Variants in SLIT2 observed in about 807,000 individuals in gnomAD.
SLIT2 encodes the protein slit guidance ligand 2, also known as slit homolog 2 protein.
A neutral mutation model predicts 185.7 loss-of-function variants in SLIT2; 41 were observed. The ratio of observed to expected loss-of-function variants is 0.22; its 90% confidence interval spans 0.17 to 0.29. SLIT2 has a LOEUF of 0.29. SLIT2 is among the 10% of genes least tolerant of loss of function. The pLI, the probability that SLIT2 is intolerant of heterozygous loss-of-function variation, is 1.00. For synonymous variants in SLIT2, 693 were observed against 680.2 expected, an observed-to-expected ratio of 1.02 and a Z score of -0.29; for missense variants, 1,571 against 1,909.0, an observed-to-expected ratio of 0.82 and a Z score of 3.30.
At chr4:20,611,167 T>A (rs924176161) in intron 34 of SLIT2, among the ~76,000 whole-genome samples, 1 of 152,232 alleles carries the variant, frequency 6.6e-6, no homozygotes, top group Non-Finnish European at 1.5e-5. Flanking sequence ...TTCATCACCA[T>A]GACAGATATT....
intron 29 of SLIT2, among the ~76,000 whole-genome samples, chr4:20,570,607 A>G (rs1157511008): frequency 1.3e-5 from 2 of 151,140 alleles, no homozygotes; most frequent in African/African-American, 4.9e-5. Flanking sequence ...TTAAGAACCC[A>G]GTTAATTTTG....
chr4:20,257,807 T>C (rs1279641476), intron 2 of SLIT2, 61 bp from the exon 3 acceptor site: 4 of 853,968 alleles, frequency 4.7e-6, no homozygotes, highest in South Asian at 4.4e-5. Flanking sequence ...AGTTGCTGAA[T>C]TGAAATTTAT....
At chr4:20,393,646 C>T (rs1725632454) in intron 4 of SLIT2, 1 of 152,074 alleles carries the variant, frequency 6.6e-6, no homozygotes, top group South Asian at 2.1e-4. Flanking sequence ...ATGGAAAATA[C>T]ATGACTAAGC....
chr4:20,341,651 G>C (rs1413392485), intron 4 of SLIT2, among the ~76,000 whole-genome samples: 1 of 152,102 alleles, frequency 6.6e-6, no homozygotes, highest in East Asian at 1.9e-4. Context: ...CTGCTTTGTG[G>C]TAAACATCCT....
intron 4 of SLIT2, among the ~76,000 whole-genome samples, chr4:20,369,382 A>G (rs1304169776): frequency 1.3e-5 from 2 of 152,082 alleles, no homozygotes; most frequent in African/African-American, 2.4e-5. Flanking sequence ...GGTAAACTAC[A>G]GCATACAAGG....
intron 4 of SLIT2, among the ~76,000 whole-genome samples, chr4:20,335,542 T>C (rs1444736448): frequency 2.6e-5 from 4 of 152,140 alleles, no homozygotes; most frequent in Non-Finnish European, 5.9e-5. Flanking sequence ...TGGAGCTGTG[T>C]ACCCTTCCAA....
chr4:20,264,225 G>A (rs1387458219), intron 3 of SLIT2, among the ~76,000 whole-genome samples: 2 of 151,790 alleles, frequency 1.3e-5, no homozygotes, highest in Non-Finnish European at 2.9e-5. Flanking sequence ...CTTTAAAAGT[G>A]TTAAAATAAA....
chr4:20,584,737 T>C (rs551437653), intron 29 of SLIT2, among the ~76,000 whole-genome samples: 35 of 152,320 alleles, frequency 2.3e-4, no homozygotes, highest in Non-Finnish European at 3.4e-4. Flanking sequence ...GTGTCCCATA[T>C]ATAACCGACA....
At chr4:20,468,413 A>G (rs539184259) in intron 5 of SLIT2, among the ~76,000 whole-genome samples, 1 of 152,144 alleles carries the variant, frequency 6.6e-6, no homozygotes, top group East Asian at 1.9e-4. Flanking sequence ...GTGTGAGTGT[A>G]TTTCTTACAC....
chr4:20,458,652 C>A (rs1713356382), intron 4 of SLIT2, among the ~76,000 whole-genome samples: 1 of 152,138 alleles, frequency 6.6e-6, no homozygotes, highest in Admixed American at 6.5e-5. Context: ...GAGAGCCAGA[C>A]CTCTATAGAA....
Position 20,327,388 on chromosome 4 carries a change from A to G in SLIT2, c.395+58507A>G, listed in dbSNP as rs894871598. On this transcript the variant is annotated intron_variant, in intron 4 of 36. Coordinates refer to ENST00000504154, the MANE Select transcript of SLIT2 (RefSeq NM_004787.4). ...AAATGAGTTTGTTCACATAATATCA[A>G]TTGCTAGGATGGGGAAAATCCTAAA... Among the ~76,000 whole-genome samples the G allele has an allele frequency of 3.3e-5, 5 of 152,208 alleles. No homozygotes were observed. The South Asian group carries it at 1.0e-3, about 32-fold the overall frequency.
intron 30 of SLIT2, among the ~76,000 whole-genome samples, chr4:20,595,061 T>A (rs1727863079): frequency 6.6e-6 from 1 of 152,200 alleles, no homozygotes; most frequent in Non-Finnish European, 1.5e-5. Flanking sequence ...GTGAACAGGC[T>A]GAAAACTGTC....
chr4:20,264,882 T>A (rs971138346), intron 3 of SLIT2, among the ~76,000 whole-genome samples: 4 of 151,944 alleles, frequency 2.6e-5, no homozygotes, highest in Admixed American at 2.0e-4. Context: ...TGGGATGTTG[T>A]GGGCAGATTC....
intron 30 of SLIT2, among the ~76,000 whole-genome samples, chr4:20,594,150 T>TAC (rs1349215509): frequency 6.7e-6 from 1 of 149,312 alleles, no homozygotes; most frequent in East Asian, 2.0e-4. Context: ...TATACACACA[T>TAC]ACATATGTAT....
intron 9 of SLIT2, among the ~76,000 whole-genome samples, chr4:20,509,759 TA>T (rs1371821824): frequency 4.6e-5 from 7 of 152,196 alleles, no homozygotes; most frequent in African/African-American, 1.7e-4. Context: ...ACTAGGTGGG[TA>T]AAATCTTGTC....
At position 20,490,664 on chromosome 4, in the gene SLIT2, T is replaced by G. The variant is rs896749566; in HGVS notation, c.776-1097T>G. 4.9e-6 allele frequency: 3 copies of G among 615,896 alleles called. No individual in the cohort carries two copies. The African/African-American group carries it at 5.6e-5, about 11-fold the overall frequency. The allele number at this position is 615,896 out of a possible 1,614,324, so 38.2% of individuals were successfully genotyped here. On this transcript the variant is annotated intron_variant, in intron 8 of 36. Coordinates refer to ENST00000504154, the MANE Select transcript of SLIT2 (RefSeq NM_004787.4). ...GTGTTTTTTCACATGTTTTATAACC[T>G]AAGAAAAATTTTTGTATAATATCAT...
intron 4 of SLIT2, among the ~76,000 whole-genome samples, chr4:20,311,847 A>G (rs1301548222): frequency 1.3e-5 from 2 of 152,310 alleles, no homozygotes; most frequent in African/African-American, 4.8e-5. Flanking sequence ...ATGAAAATAT[A>G]TTGAATTTCT....
rs772869429 is a variant in SLIT2, at chr4:20,619,059, C to T, written c.*50C>T. On this transcript the variant is annotated 3_prime_UTR_variant, in exon 37 of 37. Transcript: ENST00000504154. ...TGGAAAAGGTTGTATACTTCTTGAC[C>T]GTGTGGGACTAATGAATGCTTCATA... The T allele has an allele frequency of 1.9e-6, 3 of 1,566,922 alleles. No individual in the cohort carries two copies. Among genetic ancestry groups the T allele is most frequent in the Non-Finnish European group, 2.6e-6 (3 of 1,144,196 alleles).
At chr4:20,531,719 T>C (rs10002018) in intron 16 of SLIT2, among the ~76,000 whole-genome samples, 196 of 151,806 alleles carry the variant, frequency 1.3e-3, no homozygotes, top group African/African-American at 4.5e-3. Context: ...AGAGAAAATT[T>C]GTTCTAGAGA....
Sources: allele counts gnomAD v4.1 joint callset (sites outside exome capture counted in the v4.1 genomes callset), GRCh38; gene constraint gnomAD v4.1.1; transcripts MANE v1.5; gene names NCBI Gene and HGNC (gene_info 2026-07-23, HGNC 2026-07-21).